Variants in RGS5 observed in about 807,000 individuals in gnomAD.
RGS5 encodes regulator of G protein signaling 5.
Under a neutral mutation model 18.9 loss-of-function variants are expected in RGS5, and 20 were observed. The observed-to-expected ratio is 1.06, with a 90% CI of 0.74 to 1.54. The LOEUF (loss-of-function observed/expected upper bound fraction) is 1.54. RGS5 is among the 40% of genes most tolerant of loss of function. The probability of loss-of-function intolerance (pLI) is 0.00; values close to 1 mark genes in which losing one functional copy is unlikely to be tolerated. For synonymous variants in RGS5, 57 were observed against 76.2 expected (o/e 0.75, Z 1.31); for missense variants, 201 against 211.8 (o/e 0.95, Z 0.32).
chr1:163,297,454 C>T (rs1448653814), intron 2 of RGS5, among the ~76,000 whole-genome samples: 1 of 152,110 alleles, frequency 6.6e-6, no homozygotes, highest in African/African-American at 2.4e-5. Context: ...TTTTTGCTTT[C>T]TCTTGGTCCC....
chr1:163,203,273 G>A (rs1436694074), upstream of RGS5, among the ~76,000 whole-genome samples: 1 of 152,180 alleles, frequency 6.6e-6, no homozygotes. Context: ...AGATTCTTAG[G>A]ACTGTAAGGG....
chr1:163,212,626 T>A (rs1660131768), intron 1 of RGS5: 1 of 152,254 alleles, frequency 6.6e-6, no homozygotes, highest in East Asian at 1.9e-4. Flanking sequence ...TTAGCTCCAG[T>A]GAAGCCTGAG....
chr1:163,243,964 T>C (rs1232785049), intron 2 of RGS5, among the ~76,000 whole-genome samples: 3 of 152,166 alleles, frequency 2.0e-5, no homozygotes, highest in Non-Finnish European at 4.4e-5. Context: ...AATTAAACTC[T>C]AATATAAAAT....
chr1:163,312,556 G>C (rs1649896831), intron 1 of RGS5, among the ~76,000 whole-genome samples: 1 of 152,174 alleles, frequency 6.6e-6, no homozygotes, highest in African/African-American at 2.4e-5. Flanking sequence ...GTAGAAGTAA[G>C]CTACTGAAAA....
At position 163,160,091 on chromosome 1, in the gene RGS5, C is replaced by T. The variant is rs1255493956; in HGVS notation, c.217+1824G>A. ...TCTCTTTAACTCTATCTAACCCTAG[C>T]TTTCTTATTCTAGTAGCTCTCTGTC... On this transcript the variant is annotated intron_variant, in intron 3 of 4. Coordinates refer to ENST00000313961, the MANE Select transcript of RGS5 (RefSeq NM_003617.4). Among the ~76,000 whole-genome samples, 6 of 152,264 alleles carry T rather than the reference C, an allele frequency of 3.9e-5. No individual in the cohort carries two copies. In the East Asian group the frequency reaches 1.2e-3, roughly 29 times the overall value.
chr1:163,245,140 A>G (rs1647893578), intron 2 of RGS5: 1 of 152,234 alleles, frequency 6.6e-6, no homozygotes, highest in African/African-American at 2.4e-5. Flanking sequence ...GAAATACACC[A>G]GAATATTCAT....
rs925822429 is a variant in RGS5, at chr1:163,161,763, C to A, written c.217+152G>T. ...CCTTTTCTTGTGAACTGGATAATCA[C>A]ATACCTGCAGCCCCCTTCCCTTATT... On this transcript the variant is annotated intron_variant, in intron 3 of 4. Coordinates refer to ENST00000313961, the MANE Select transcript of RGS5 (RefSeq NM_003617.4). 20 of 584,244 alleles carry A rather than the reference C, an allele frequency of 3.4e-5. No individual in the cohort carries two copies. In the African/African-American group the frequency reaches 3.7e-4, roughly 11 times the overall value. The allele number at this position is 584,244 out of a possible 1,614,324, so 36.2% of individuals were successfully genotyped here.
chr1:163,243,519 C>T (rs924664264), intron 2 of RGS5, among the ~76,000 whole-genome samples: 8 of 151,340 alleles, frequency 5.3e-5, no homozygotes, highest in South Asian at 2.1e-4. Context: ...TGGTGGCGGG[C>T]GCCTGTAGTC....
intron 2 of RGS5, among the ~76,000 whole-genome samples, chr1:163,167,315 T>C (rs1013347889): frequency 1.3e-5 from 2 of 152,230 alleles, no homozygotes; most frequent in Non-Finnish European, 2.9e-5. Flanking sequence ...CGAAGGAATT[T>C]GAATGCCTTG....
intron 2 of RGS5, among the ~76,000 whole-genome samples, chr1:163,256,838 G>T: frequency 6.6e-6 from 1 of 152,146 alleles, no homozygotes; most frequent in Non-Finnish European, 1.5e-5. Flanking sequence ...ATGAGGGTGG[G>T]TAAGGAAGAG....
intron 3 of RGS5, among the ~76,000 whole-genome samples, chr1:163,159,055 T>G (rs1237218560): frequency 6.6e-6 from 1 of 152,222 alleles, no homozygotes; most frequent in African/African-American, 2.4e-5. Flanking sequence ...AAGAGAAATA[T>G]GTCTCTGTTC....
At chr1:163,148,452 G>A (rs1051499922) in intron 4 of RGS5, among the ~76,000 whole-genome samples, 11 of 152,186 alleles carry the variant, frequency 7.2e-5, no homozygotes, top group Non-Finnish European at 1.0e-4. Context: ...CTCGGTCGGT[G>A]CCAGGCACTT....
At chr1:163,300,528 C>G (rs185470624) in intron 2 of RGS5, 106 of 152,282 alleles carry the variant, frequency 7.0e-4, no homozygotes, top group African/African-American at 2.5e-3. Flanking sequence ...TATGCCTGAC[C>G]ATTTTGTTCT....
intron 1 of RGS5, among the ~76,000 whole-genome samples, chr1:163,176,516 G>C (rs916977182): frequency 6.6e-6 from 1 of 152,008 alleles, no homozygotes; most frequent in African/African-American, 2.4e-5. Flanking sequence ...AGCTACTCCA[G>C]AGGCTGAGGC....
At chr1:163,279,432 T>C (rs955777572) in intron 2 of RGS5, among the ~76,000 whole-genome samples, 2 of 151,752 alleles carry the variant, frequency 1.3e-5, no homozygotes, top group African/African-American at 2.4e-5. Flanking sequence ...ATTGAGTCAA[T>C]TAAGAGATTA....
intron 2 of RGS5, among the ~76,000 whole-genome samples, chr1:163,305,610 C>A (rs530194609): frequency 3.9e-5 from 6 of 152,306 alleles, no homozygotes; most frequent in African/African-American, 1.4e-4. Context: ...GTACTTTCCC[C>A]CATGTTTGCA....
At chr1:163,226,179 CA>C (rs535550933) in intron 2 of RGS5, among the ~76,000 whole-genome samples, 33,514 of 152,096 alleles carry the variant, frequency 0.22, 4,210 homozygotes, top group Non-Finnish European at 0.28. Context: ...CTTGGCCTCC[CA>C]AAGTGCTGGG....
At chr1:163,281,702 C>T (rs1477108201) in intron 2 of RGS5, among the ~76,000 whole-genome samples, 1 of 152,130 alleles carries the variant, frequency 6.6e-6, no homozygotes, top group Admixed American at 6.6e-5. Context: ...AAGATCATGG[C>T]ATTAGTATAA....
chr1:163,203,376 G>T (rs1204895594), upstream of RGS5, among the ~76,000 whole-genome samples: 4 of 152,102 alleles, frequency 2.6e-5, no homozygotes, highest in Admixed American at 6.6e-5. Flanking sequence ...CTTACCAAGT[G>T]CCAGGCACTC....
Sources: allele counts gnomAD v4.1 joint callset (sites outside exome capture counted in the v4.1 genomes callset), GRCh38; gene constraint gnomAD v4.1.1; transcripts MANE v1.5; gene names NCBI Gene and HGNC (gene_info 2026-07-23, HGNC 2026-07-21).